Variants in C2CD2 observed in about 807,000 individuals in gnomAD.
The protein encoded by C2CD2 is C2 domain-containing protein 2.
In C2CD2, 43 loss-of-function variants were observed where a neutral mutation model predicts 74.3. The observed-to-expected ratio is 0.58, with a 90% CI of 0.45 to 0.75. The LOEUF is 0.75. Ranked by LOEUF, C2CD2 falls within the 30% of genes least tolerant of loss-of-function variation. The pLI is 0.00. For missense variants in C2CD2, 801 were observed against 916.3 expected (o/e 0.87, Z 1.63); for synonymous variants, 422 against 390.7 (o/e 1.08, Z -0.94).
intron 3 of C2CD2, among the ~76,000 whole-genome samples, chr21:41,920,265 A>C (rs2058716755): frequency 6.6e-6 from 1 of 152,182 alleles, no homozygotes; most frequent in South Asian, 2.1e-4. Flanking sequence ...TGCTGTTTTA[A>C]ACTGTTCAGG....
chr21:41,928,665 G>A (rs2065237490), intron 2 of C2CD2, among the ~76,000 whole-genome samples: 1 of 151,712 alleles, frequency 6.6e-6, no homozygotes, highest in Admixed American at 6.6e-5. Context: ...AGCCCCCTGA[G>A]TTATGGACAG....
chr21:41,901,400 C>A, intron 12 of C2CD2: 1 of 596,284 alleles, frequency 1.7e-6, no homozygotes, highest in Admixed American at 2.8e-5. Context: ...GTAAAGCGTC[C>A]CTGATTAGAA....
At chr21:41,906,401 T>G (rs1425747842) in intron 10 of C2CD2, among the ~76,000 whole-genome samples, 2 of 152,236 alleles carry the variant, frequency 1.3e-5, no homozygotes, top group African/African-American at 4.8e-5. Context: ...AATTTGCTCT[T>G]GTTGTCCAGG....
intron 5 of C2CD2, among the ~76,000 whole-genome samples, chr21:41,916,753 C>T (rs933781610): frequency 2.0e-5 from 3 of 151,556 alleles, no homozygotes; most frequent in African/African-American, 2.4e-5. Flanking sequence ...ATATAATATA[C>T]ATATATGCTA....
chr21:41,885,386 C>T lies in C2CD2; in HGVS notation c.*3738G>A, dbSNP rs1281556426. On this transcript the variant is annotated 3_prime_UTR_variant, in exon 14 of 14. Coordinates refer to ENST00000380486, the MANE Select transcript of C2CD2 (RefSeq NM_015500.2). ...CATTGGTAGAGTAAACAACAAACCA[C>T]AAGCCTAAATGATGAATGGTGCGCT... 6.6e-6 allele frequency: 1 copy of T among 152,646 alleles called. No individual in the cohort carries two copies. Among genetic ancestry groups the T allele is most frequent in the Non-Finnish European group, 1.5e-5 (1 of 68,042 alleles). The allele number at this position is 152,646 out of a possible 1,614,324, so 9.5% of individuals were successfully genotyped here.
intron 12 of C2CD2, chr21:41,900,889 G>A (rs930912858): frequency 6.6e-6 from 1 of 152,206 alleles, no homozygotes; most frequent in African/African-American, 2.4e-5. Context: ...TTGAGCCCAG[G>A]AGTTCAAGAC....
chr21:41,914,768 G>A (rs373371077), intron 5 of C2CD2, 47 bp from the exon 6 acceptor site: 8 of 1,580,142 alleles, frequency 5.1e-6, no homozygotes, highest in African/African-American at 4.1e-5. Flanking sequence ...TGGGGAGATT[G>A]AGGGCCAAGG....
intron 1 of C2CD2, among the ~76,000 whole-genome samples, chr21:41,944,719 G>A (rs1294263150): frequency 6.6e-6 from 1 of 152,100 alleles, no homozygotes; most frequent in African/African-American, 2.4e-5. Context: ...CATCTCTGCT[G>A]CTGTGTCAAT....
At chr21:41,949,822 G>A (rs2065435470) in intron 1 of C2CD2, among the ~76,000 whole-genome samples, 1 of 152,242 alleles carries the variant, frequency 6.6e-6, no homozygotes, top group Non-Finnish European at 1.5e-5. Flanking sequence ...AAAAGGATGA[G>A]TTCATGTCCT....
chr21:41,906,951 G>A (rs758354550), intron 10 of C2CD2, 41 bp downstream of exon 10: 12 of 1,545,894 alleles, frequency 7.8e-6, no homozygotes, highest in Middle Eastern at 2.3e-4. Context: ...ACAGGCAGGC[G>A]TCATGCAGAA....
At chr21:41,904,538 G>A (rs1007876824) in intron 11 of C2CD2, among the ~76,000 whole-genome samples, 6 of 152,126 alleles carry the variant, frequency 3.9e-5, no homozygotes, top group African/African-American at 1.4e-4. Flanking sequence ...CCCTCTCTTG[G>A]GGTCTAGATC....
At chr21:41,910,489 A>G (rs1981383) in intron 7 of C2CD2, among the ~76,000 whole-genome samples, 65,083 of 151,858 alleles carry the variant, frequency 0.43, 14,203 homozygotes, top group South Asian at 0.48. Context: ...TGCCATTATC[A>G]CTCTCTTATT....
At chr21:41,931,242 C>T (rs958683111) in intron 2 of C2CD2, among the ~76,000 whole-genome samples, 2 of 150,176 alleles carry the variant, frequency 1.3e-5, no homozygotes, top group Admixed American at 6.7e-5. Context: ...CTTCCACACC[C>T]GGTCTGAGCA....
rs752803483 is a variant in C2CD2, at chr21:41,901,608, C to A, written c.1560+14G>T. On this transcript the variant is annotated intron_variant, in intron 12 of 13. Coordinates refer to ENST00000380486, the MANE Select transcript of C2CD2 (RefSeq NM_015500.2). Reference sequence around the variant, plus strand: ...ATGACCAGATGAACACCTCCCCAGCCACCACGATGGTACCTTGGAGATCCC... The same window carrying A: ...ATGACCAGATGAACACCTCCCCAGCAACCACGATGGTACCTTGGAGATCCC... 30 of 1,613,992 alleles carry A rather than the reference C, an allele frequency of 1.9e-5. No homozygotes were observed. The highest frequency in any genetic ancestry group is 2.4e-5 in the Non-Finnish European group (28 of 1,179,942).
At chr21:41,948,917 G>T (rs2065427364) in intron 1 of C2CD2, among the ~76,000 whole-genome samples, 1 of 90,356 alleles carries the variant, frequency 1.1e-5, no homozygotes, top group Non-Finnish European at 2.1e-5. Flanking sequence ...AGACCATAAT[G>T]ATCATAGTCT....
intron 2 of C2CD2, among the ~76,000 whole-genome samples, chr21:41,925,665 G>GT (rs1295480425): frequency 6.6e-6 from 1 of 152,220 alleles, no homozygotes; most frequent in Non-Finnish European, 1.5e-5. Context: ...TTCTTTTAGT[G>GT]TATTAAGGTG....
rs1332557710 is a variant in C2CD2 at position 41,939,031 on chromosome 21, G to A, written c.378+3116C>T. On this transcript the variant is annotated intron_variant, in intron 2 of 13. Coordinates refer to ENST00000380486, the MANE Select transcript of C2CD2 (RefSeq NM_015500.2). This position sits in a 1 kb window ranked among gnomAD's most constrained non-coding sequence, Gnocchi z 5.5. The stretch of plus-strand genomic sequence containing the variant: ...TGCTGGGATTATAAGCGCGAGCCAC[G>A]GCACCCGGCCTAGAATGTCCTCACT... 2.0e-5 allele frequency among the ~76,000 whole-genome samples: 3 copies of A among 152,022 alleles called. No individual in the cohort carries two copies. The highest frequency in any genetic ancestry group is 2.4e-5 in the African/African-American group (1 of 41,388).
In C2CD2 at chr21:41,907,711, C is replaced by A; in HGVS notation, c.1092G>T (p.Leu364=). 1 of 1,613,182 alleles carries A rather than the reference C, an allele frequency of 6.2e-7. No homozygotes were observed. The highest frequency in any genetic ancestry group is 1.1e-5 in the South Asian group (1 of 91,024). ...AGCTGCCGCAGGCAGACCCGCTGGTCAGCGTGAAGCTCTGTGGCCCAGAAG... is the reference window on the plus strand; with the variant it reads ...AGCTGCCGCAGGCAGACCCGCTGGTAAGCGTGAAGCTCTGTGGCCCAGAAG... ...KQPSGPQSFT[L]TSGSACGSSV... Residue 364 remains leucine (L), a synonymous_variant, in exon 9 of 14, where the codon CTG becomes CTT. Transcript: ENST00000380486.
In C2CD2 at chr21:41,947,112, T is replaced by TCTCTCTCTCTCTCTC. The variant is rs1555906757; in HGVS notation, c.280-4868_280-4867insGAGAGAGAGAGAGAG. Among the ~76,000 whole-genome samples, 17 of 26,214 alleles carry TCTCTCTCTCTCTCTC rather than the reference T, an allele frequency of 6.5e-4. 1 individual carries two copies. Among genetic ancestry groups the TCTCTCTCTCTCTCTC allele is most frequent in the South Asian group, 1.1e-3 (1 of 926 alleles). 17.2% of individuals were successfully genotyped at this position (26,214 alleles called of 152,430 possible). ...TTTCTTTCTTTCTTTCCTTTCTCTT[T>TCTCTCTCTCTCTCTC]TCTCTCTCTCTCTCTCTCTCTCTCT... On this transcript the variant is annotated intron_variant, in intron 1 of 13. Coordinates refer to ENST00000380486, the MANE Select transcript of C2CD2 (RefSeq NM_015500.2).
Sources: allele counts gnomAD v4.1 joint callset (sites outside exome capture counted in the v4.1 genomes callset), GRCh38; gene constraint gnomAD v4.1.1; non-coding constraint Gnocchi (gnomAD v3.1); transcripts MANE v1.5; gene names NCBI Gene and HGNC (gene_info 2026-07-23, HGNC 2026-07-21).